GSE1: variants seen among roughly 807,000 people sequenced by gnomAD.
GSE1 encodes Gse1 coiled-coil protein, also known as genetic suppressor element 1.
A neutral mutation model predicts 112.6 loss-of-function variants in GSE1; 32 were observed. The ratio of observed to expected loss-of-function variants is 0.28; its 90% confidence interval spans 0.21 to 0.38. The LOEUF is 0.38. Among genes scored for constraint, GSE1 ranks in the 10% least tolerant of loss-of-function variants. The pLI is 1.00. For missense variants in GSE1, 2,348 were observed against 1,699.2 expected, an observed-to-expected ratio of 1.38 and a Z score of -6.71; for synonymous variants, 1,115 against 735.6, an observed-to-expected ratio of 1.52 and a Z score of -8.35.
chr16:85,671,222 C>T (rs960076841), intron 15 of GSE1, 124 bp downstream of exon 15: 11 of 557,504 alleles, frequency 2.0e-5, no homozygotes, highest in African/African-American at 5.9e-5. Context: ...TGGCGGATCA[C>T]GAGGTCAGGA....
rs565059718 is a variant in GSE1 at position 85,649,530 on chromosome 16, C to T, written c.426+779C>T. ...TTATGTCTGTGGGCCCCTCGCTCTG[C>T]ACTGACTGGGGCCTGCCTGTGTGGA... On this transcript the variant is annotated intron_variant, in intron 3 of 15. Transcript: ENST00000253458. Among the ~76,000 whole-genome samples, 90 of 152,326 alleles carry T rather than the reference C, an allele frequency of 5.9e-4. 1 individual carries two copies. Among genetic ancestry groups the T allele is most frequent in the African/African-American group, 2.1e-3 (89 of 41,582 alleles).
At chr16:85,466,833 G>A (rs1168677956) in intron 2 of GSE1, among the ~76,000 whole-genome samples, 1 of 152,202 alleles carries the variant, frequency 6.6e-6, no homozygotes, top group African/African-American at 2.4e-5. Flanking sequence ...GCCAAGGCAG[G>A]CAGATCACTT....
intron 1 of GSE1, chr16:85,283,444 T>A (rs187748517): frequency 1.3e-5 from 2 of 152,822 alleles, no homozygotes; most frequent in East Asian, 3.9e-4. Context: ...ACACGCACCT[T>A]GTTCTGGAGC....
intron 1 of GSE1, among the ~76,000 whole-genome samples, chr16:85,341,786 C>T (rs1171733057): frequency 6.6e-6 from 1 of 151,980 alleles, no homozygotes; most frequent in Admixed American, 6.6e-5. Context: ...AGGTGTGAAC[C>T]ACTTCACCTG....
In GSE1 at chr16:85,366,502, G is replaced by A. The variant is rs116529992; in HGVS notation, c.2464+8859G>A. ...AGTGCAGAGCTTACAAGTTGGGGCAGGAAGCTTTAGAAGCCCAGGCAGCCC... is the reference window on the plus strand; with the variant it reads ...AGTGCAGAGCTTACAAGTTGGGGCAAGAAGCTTTAGAAGCCCAGGCAGCCC... On this transcript the variant is annotated intron_variant, in intron 2 of 2. Transcript: ENST00000637419. Among the ~76,000 whole-genome samples, 504 of 152,382 alleles carry A rather than the reference G, an allele frequency of 3.3e-3. 1 individual carries two copies. Among genetic ancestry groups the A allele is most frequent in the African/African-American group, 0.012 (490 of 41,594 alleles).
chr16:85,428,033 G>A (rs9788883), intron 2 of GSE1, among the ~76,000 whole-genome samples: 15,388 of 152,214 alleles, frequency 0.1, 890 homozygotes, highest in African/African-American at 0.16. Context: ...ATGGCCATGC[G>A]TGGCCCGTGG....
intron 1 of GSE1, among the ~76,000 whole-genome samples, chr16:85,259,120 G>A (rs1907396286): frequency 2.0e-5 from 3 of 152,170 alleles, no homozygotes; most frequent in African/African-American, 4.8e-5. Flanking sequence ...GGAGGAGGAG[G>A]GTTCTGCAGG....
chr16:85,480,411 C>T (rs1177931868), intron 2 of GSE1, among the ~76,000 whole-genome samples: 2 of 152,150 alleles, frequency 1.3e-5, no homozygotes, highest in South Asian at 2.1e-4. Context: ...AGCCTCCACC[C>T]CCCTCTGCCT....
upstream of GSE1, chr16:85,555,909 C>G (rs1231467492): frequency 2.2e-6 from 2 of 919,592 alleles, no homozygotes; most frequent in Admixed American, 6.6e-5. Context: ...TTATTTTTCT[C>G]TCGCTCCTCT....
Position 85,321,352 on chromosome 16 carries a change from G to A in GSE1, c.2284-36111G>A, listed in dbSNP as rs140970317. On this transcript the variant is annotated intron_variant, in intron 1 of 2. Transcript: ENST00000637419. Reference sequence around the variant, plus strand: ...GGGCGAAGAAGGGATCCACTCCATGGTTTCTCCCCTCTTCTGCCTGAGCTG... The same window carrying A: ...GGGCGAAGAAGGGATCCACTCCATGATTTCTCCCCTCTTCTGCCTGAGCTG... 6.3e-3 allele frequency among the ~76,000 whole-genome samples: 961 copies of A among 152,258 alleles called. 5 individuals carry two copies. The highest frequency in any genetic ancestry group is 0.038 in the South Asian group (183 of 4,820).
chr16:85,546,338 G>A (rs1394321576), intron 2 of GSE1, among the ~76,000 whole-genome samples: 1 of 152,198 alleles, frequency 6.6e-6, no homozygotes, highest in African/African-American at 2.4e-5. Flanking sequence ...ACCCGCCTCA[G>A]CCTCTCAAAG....
At chr16:85,179,053 G>T (rs1178351559) in intron 1 of GSE1, among the ~76,000 whole-genome samples, 3 of 152,100 alleles carry the variant, frequency 2.0e-5, no homozygotes. Flanking sequence ...GTACAGTTCA[G>T]TGGGTTTCAG....
At chr16:85,472,275 C>T (rs912005634) in intron 2 of GSE1, among the ~76,000 whole-genome samples, 4 of 152,304 alleles carry the variant, frequency 2.6e-5, no homozygotes, top group South Asian at 2.1e-4. Flanking sequence ...GACCAGGAGT[C>T]CAAAATCAAG....
chr16:85,479,333 T>C (rs962620750), intron 2 of GSE1, among the ~76,000 whole-genome samples: 1 of 150,404 alleles, frequency 6.6e-6, no homozygotes, highest in Non-Finnish European at 1.5e-5. Context: ...TGTCCGGCCT[T>C]AGTTTTTGTA....
intron 1 of GSE1, among the ~76,000 whole-genome samples, chr16:85,573,218 C>T (rs954469894): frequency 1.3e-5 from 2 of 152,076 alleles, no homozygotes; most frequent in Non-Finnish European, 1.5e-5. Context: ...AGGCTGGCCT[C>T]GAAGTCCTGG....
At chr16:85,392,663 A>G (rs1424099504) in intron 2 of GSE1, among the ~76,000 whole-genome samples, 4 of 152,216 alleles carry the variant, frequency 2.6e-5, no homozygotes, top group Non-Finnish European at 4.4e-5. Flanking sequence ...TTATCAGGCA[A>G]TCCTATTTGG....
chr16:85,504,467 G>C (rs1344377363), intron 2 of GSE1, among the ~76,000 whole-genome samples: 1 of 152,212 alleles, frequency 6.6e-6, no homozygotes, highest in African/African-American at 2.4e-5. Flanking sequence ...TGTGTCTTCT[G>C]ACTCACCAGC....
intron 1 of GSE1, among the ~76,000 whole-genome samples, chr16:85,273,721 C>A (rs1053770255): frequency 2.0e-4 from 30 of 151,950 alleles, no homozygotes; most frequent in African/African-American, 6.5e-4. Flanking sequence ...TGGAGTTTAG[C>A]CCTTGTCGCC....
intron 2 of GSE1, among the ~76,000 whole-genome samples, chr16:85,456,855 G>A (rs547538778): frequency 3.0e-4 from 46 of 152,156 alleles, no homozygotes; most frequent in African/African-American, 9.6e-4. Flanking sequence ...TGCCAGGGAC[G>A]GTGGGACTCA....
Sources: gnomAD v4.1 joint callset for allele counts (sites outside exome capture counted in the v4.1 genomes callset) on GRCh38, gnomAD v4.1.1 for gene constraint, MANE v1.5 for transcripts, NCBI Gene and HGNC (gene_info 2026-07-23, HGNC 2026-07-21) for gene names.